Variants in NAV3 observed in about 807,000 individuals in gnomAD.
NAV3 encodes pore membrane and/or filament interacting like protein 1.
Under a neutral mutation model 244.7 loss-of-function variants are expected in NAV3, and 87 were observed. That is an observed-to-expected ratio of 0.36 (90% CI 0.30 to 0.42). The LOEUF is 0.42. Among genes scored for constraint, NAV3 ranks in the 20% least tolerant of loss-of-function variants. NAV3 has a pLI of 1.00. For synonymous variants in NAV3, 1,126 were observed against 1,042.2 expected (o/e 1.08, Z -1.55); for missense variants, 2,663 against 2,893.3 (o/e 0.92, Z 1.83).
intron 2 of NAV3, among the ~76,000 whole-genome samples, chr12:77,824,384 C>T (rs1327033988): frequency 3.3e-5 from 5 of 151,486 alleles, no homozygotes; most frequent in South Asian, 2.1e-4. Flanking sequence ...TGCGCCACTG[C>T]GCCCGGCCGA....
intron 9 of NAV3, among the ~76,000 whole-genome samples, chr12:78,047,995 T>C (rs1882114818): frequency 6.6e-6 from 1 of 152,178 alleles, no homozygotes; most frequent in African/African-American, 2.4e-5. Context: ...CCCCTCTATC[T>C]ATTTGGCTAT....
intron 9 of NAV3, among the ~76,000 whole-genome samples, chr12:78,034,798 T>C (rs1168866890): frequency 6.6e-6 from 1 of 152,202 alleles, no homozygotes; most frequent in Admixed American, 6.5e-5. Flanking sequence ...TTAGGAATTC[T>C]AAGGGGAGTG....
intron 22 of NAV3, among the ~76,000 whole-genome samples, chr12:78,152,395 G>T (rs1230874665): frequency 6.6e-6 from 1 of 151,214 alleles, no homozygotes; most frequent in Non-Finnish European, 1.5e-5. Context: ...TATAACTATG[G>T]GGGTAAAATT....
intron 3 of NAV3, among the ~76,000 whole-genome samples, chr12:77,956,273 CAT>C (rs2137743101): frequency 6.6e-6 from 1 of 152,154 alleles, no homozygotes; most frequent in South Asian, 2.1e-4. Context: ...GCTAGTATTA[CAT>C]GTTTAATGTG....
chr12:77,792,063 AG>A (rs756616499), intron 2 of NAV3, among the ~76,000 whole-genome samples: 80 of 152,300 alleles, frequency 5.3e-4, no homozygotes, highest in African/African-American at 1.8e-3. Flanking sequence ...GGCATCTTTA[AG>A]TCTTTCATCA....
At chr12:77,787,783 A>G (rs1047487548) in intron 2 of NAV3, among the ~76,000 whole-genome samples, 6 of 152,204 alleles carry the variant, frequency 3.9e-5, no homozygotes, top group African/African-American at 1.4e-4. Flanking sequence ...AATGTGACTT[A>G]CCTAGTTTGC....
In NAV3 at chr12:77,730,245, A is replaced by G. The variant is rs139261182; in HGVS notation, c.72+157979A>G. The stretch of plus-strand genomic sequence containing the variant: ...GAAGAAATTGAAACATTCACAATAC[A>G]GTTAGCAAAAGAAAAACTTTTTAAA... On this transcript the variant is annotated intron_variant, in intron 2 of 8. Transcript: ENST00000550042. 1.6e-4 allele frequency among the ~76,000 whole-genome samples: 24 copies of G among 152,134 alleles called. No homozygotes were observed. In the East Asian group the frequency reaches 4.3e-3, roughly 27 times the overall value.
At chr12:78,074,578 C>T (rs1396856847) in intron 12 of NAV3, among the ~76,000 whole-genome samples, 1 of 152,112 alleles carries the variant, frequency 6.6e-6, no homozygotes, top group Admixed American at 6.6e-5. Flanking sequence ...GTGGCTCGTG[C>T]CTGTATTCTT....
chr12:77,747,333 A>G (rs1868600994), intron 2 of NAV3, among the ~76,000 whole-genome samples: 1 of 152,192 alleles, frequency 6.6e-6, no homozygotes, highest in African/African-American at 2.4e-5. Flanking sequence ...CCACAATGAG[A>G]TACCATCTCA....
intron 2 of NAV3, among the ~76,000 whole-genome samples, chr12:77,716,709 T>C (rs1164170484): frequency 1.3e-5 from 2 of 152,028 alleles, no homozygotes; most frequent in Non-Finnish European, 2.9e-5. Context: ...TTCTGGATAG[T>C]ATTCTAGGTG....
At chr12:77,760,877 C>T (rs1424648009) in intron 2 of NAV3, among the ~76,000 whole-genome samples, 2 of 152,090 alleles carry the variant, frequency 1.3e-5, no homozygotes, top group African/African-American at 4.8e-5. Context: ...GCATTTTGCA[C>T]AGAGAACTGA....
chr12:77,683,758 A>AG (rs144880432), intron 2 of NAV3, among the ~76,000 whole-genome samples: 2,539 of 152,218 alleles, frequency 0.017, 73 homozygotes, highest in African/African-American at 0.058. Context: ...TCTTTTGTTT[A>AG]CTGTGCATCA....
intron 23 of NAV3, among the ~76,000 whole-genome samples, chr12:78,165,563 T>C (rs971398382): frequency 1.3e-5 from 2 of 151,870 alleles, no homozygotes; most frequent in Non-Finnish European, 2.9e-5. Context: ...TTTCTAATCA[T>C]GTACCTCATC....
At chr12:77,903,251 A>T (rs1334267323) in intron 1 of NAV3, among the ~76,000 whole-genome samples, 1 of 152,206 alleles carries the variant, frequency 6.6e-6, no homozygotes, top group African/African-American at 2.4e-5. Flanking sequence ...CTATATTACA[A>T]GGCTACAGTA....
At chr12:78,065,214 G>T (rs961835050) in intron 12 of NAV3, among the ~76,000 whole-genome samples, 1 of 152,036 alleles carries the variant, frequency 6.6e-6, no homozygotes, top group Non-Finnish European at 1.5e-5. Context: ...CCCAGCAGGT[G>T]AGGTAACTGT....
chr12:78,154,278 T>TAG (rs1321778491), intron 22 of NAV3, among the ~76,000 whole-genome samples: 29 of 127,604 alleles, frequency 2.3e-4, no homozygotes, highest in South Asian at 4.6e-4. Flanking sequence ...TATATATTAC[T>TAG]ATATATACTA....
At chr12:78,082,073 A>G (rs1294259309) in intron 12 of NAV3, among the ~76,000 whole-genome samples, 1 of 152,150 alleles carries the variant, frequency 6.6e-6, no homozygotes, top group Non-Finnish European at 1.5e-5. Flanking sequence ...CTGCTAGTGA[A>G]TAAGTCTCAT....
Position 77,757,659 on chromosome 12 carries a change from T to A in NAV3, c.73-182660T>A, listed in dbSNP as rs182811265. Among the ~76,000 whole-genome samples, 678 of 152,322 alleles carry A rather than the reference T, an allele frequency of 4.5e-3. 3 individuals carry two copies. The highest frequency in any genetic ancestry group is 7.5e-3 in the Non-Finnish European group (513 of 68,028). ...TCACTCCCCTTTTATGATTCCAAAT[T>A]TCAGAGATGATTTGGACTTTTTAAG... On this transcript the variant is annotated intron_variant, in intron 2 of 8. Coordinates refer to the NAV3 transcript ENST00000550042.
intron 2 of NAV3, among the ~76,000 whole-genome samples, chr12:77,810,708 C>A (rs1317237690): frequency 2.0e-5 from 3 of 152,122 alleles, no homozygotes; most frequent in African/African-American, 7.2e-5. Context: ...AGTTAAAATA[C>A]TAGCAAATGT....
Sources: gnomAD v4.1 joint callset for allele counts (sites outside exome capture counted in the v4.1 genomes callset) on GRCh38, gnomAD v4.1.1 for gene constraint, MANE v1.5 for transcripts, NCBI Gene and HGNC (gene_info 2026-07-23, HGNC 2026-07-21) for gene names.